The following PDE4D variants were observed in gnomAD, a reference collection of about 807,000 sequenced individuals.
The protein encoded by PDE4D is phosphodiesterase 4D, also known as 3',5'-cyclic-AMP phosphodiesterase 4D.
In PDE4D, 24 loss-of-function variants were observed where a neutral mutation model predicts 87.4. That is an observed-to-expected ratio of 0.27 (90% confidence interval 0.20 to 0.39). The LOEUF is 0.39. Among genes scored for constraint, PDE4D ranks in the 10% least tolerant of loss-of-function variants. The pLI, the probability that PDE4D is intolerant of heterozygous loss-of-function variation, is 1.00. For synonymous variants in PDE4D, 384 were observed against 383.2 expected (o/e 1.00, Z -0.02); for missense variants, 714 against 1,041.0 (o/e 0.69, Z 4.32).
intron 1 of PDE4D, among the ~76,000 whole-genome samples, chr5:60,370,140 A>T (rs959545436): frequency 1.3e-5 from 2 of 152,168 alleles, no homozygotes; most frequent in Non-Finnish European, 2.9e-5. Flanking sequence ...GCCAGAAAGC[A>T]GCTCCCCTAA....
At chr5:59,378,432 A>T (rs575368109) in intron 1 of PDE4D, among the ~76,000 whole-genome samples, 4 of 152,132 alleles carry the variant, frequency 2.6e-5, no homozygotes, top group Admixed American at 6.6e-5. Context: ...CTTAAAAGTT[A>T]AAAAAAAGAA....
chr5:59,517,474 T>C (rs1811378979), intron 1 of PDE4D, among the ~76,000 whole-genome samples: 1 of 152,182 alleles, frequency 6.6e-6, no homozygotes, highest in Non-Finnish European at 1.5e-5. Flanking sequence ...GTCACAGGTT[T>C]GCCTATTTGG....
intron 1 of PDE4D, among the ~76,000 whole-genome samples, chr5:60,413,421 C>T (rs1411595936): frequency 2.0e-5 from 3 of 152,100 alleles, no homozygotes; most frequent in Non-Finnish European, 2.9e-5. Flanking sequence ...ACACAATAGA[C>T]TTCCAGAGCC....
intron 1 of PDE4D, among the ~76,000 whole-genome samples, chr5:59,392,033 A>T (rs185085316): frequency 7.2e-4 from 108 of 150,876 alleles, no homozygotes; most frequent in Admixed American, 1.5e-3. Flanking sequence ...CAAGGGTAGA[A>T]TTTTTGTCTG....
chr5:59,421,081 C>A (rs1794413979), intron 1 of PDE4D, among the ~76,000 whole-genome samples: 1 of 152,118 alleles, frequency 6.6e-6, no homozygotes, highest in Non-Finnish European at 1.5e-5. Context: ...CTATGACAAA[C>A]TGAAGTTTAT....
intron 1 of PDE4D, among the ~76,000 whole-genome samples, chr5:60,417,825 G>A (rs1742740954): frequency 2.0e-5 from 3 of 151,704 alleles, no homozygotes; most frequent in Admixed American, 2.0e-4. Context: ...TTTAGAGAAA[G>A]ACAAACACAT....
chr5:60,198,062 AAG>A (rs1741477108), intron 1 of PDE4D, among the ~76,000 whole-genome samples: 2 of 147,860 alleles, frequency 1.4e-5, no homozygotes, highest in South Asian at 2.1e-4. Flanking sequence ...TTTGCTTTTC[AAG>A]AGTTTTACTG....
intron 1 of PDE4D, among the ~76,000 whole-genome samples, chr5:59,477,353 T>TAAAAA (rs35047246): frequency 4.5e-5 from 4 of 88,204 alleles, no homozygotes; most frequent in East Asian, 7.7e-4. Context: ...TAGAGTATAA[T>TAAAAA]AAAAAAAAAA....
rs536276090 is a variant in PDE4D, at chr5:59,287,294, G to A, written c.456-71326C>T. Among the ~76,000 whole-genome samples, 276 of 152,226 alleles carry A rather than the reference G, an allele frequency of 1.8e-3. 1 individual carries two copies. Among genetic ancestry groups the A allele is most frequent in the African/African-American group, 6.2e-3 (258 of 41,554 alleles). On this transcript the variant is annotated intron_variant, in intron 1 of 14. Coordinates refer to ENST00000340635, the MANE Select transcript of PDE4D (RefSeq NM_001104631.2). ...CCAGACAGTACTTGTCGCAGGCCTG[G>A]GGCAGTGGTGGCCACAGGGAGAGAC...
At chr5:59,120,955 T>C (rs143452580) in intron 5 of PDE4D, among the ~76,000 whole-genome samples, 6 of 152,144 alleles carry the variant, frequency 3.9e-5, no homozygotes, top group African/African-American at 1.4e-4. Flanking sequence ...ACCAAGAATA[T>C]ACATTAGGGA....
intron 1 of PDE4D, among the ~76,000 whole-genome samples, chr5:60,191,457 G>T (rs927787881): frequency 6.6e-6 from 1 of 152,096 alleles, no homozygotes; most frequent in Non-Finnish European, 1.5e-5. Context: ...AGTTCCTCCT[G>T]TGTTCATTCT....
At chr5:59,325,039 T>C (rs1429133821) in intron 1 of PDE4D, among the ~76,000 whole-genome samples, 1 of 152,164 alleles carries the variant, frequency 6.6e-6, no homozygotes, top group Non-Finnish European at 1.5e-5. Context: ...ATTTATTTTC[T>C]GGGCCAGAGA....
At chr5:59,166,032 G>A (rs373031780) in intron 5 of PDE4D, among the ~76,000 whole-genome samples, 14 of 151,956 alleles carry the variant, frequency 9.2e-5, no homozygotes, top group African/African-American at 1.2e-4. Context: ...ACCACCTGTC[G>A]CCCCACTAAT....
At chr5:59,392,637 C>A (rs541853841) in intron 1 of PDE4D, among the ~76,000 whole-genome samples, 1 of 151,974 alleles carries the variant, frequency 6.6e-6, no homozygotes, top group African/African-American at 2.4e-5. Context: ...AGCCTGCCAA[C>A]CCTGGCCTAT....
chr5:59,513,706 A>C (rs536373820), intron 1 of PDE4D, among the ~76,000 whole-genome samples: 78 of 152,350 alleles, frequency 5.1e-4, no homozygotes, highest in African/African-American at 1.5e-3. Context: ...CACATGCTAA[A>C]GAGTAAGTAA....
intron 1 of PDE4D, among the ~76,000 whole-genome samples, chr5:60,275,893 T>A (rs1562280200): frequency 1.3e-5 from 2 of 152,178 alleles, no homozygotes; most frequent in Non-Finnish European, 2.9e-5. Flanking sequence ...ATCCATGGAT[T>A]TTTAGAAGTC....
At chr5:60,444,197 C>T (rs1348995251) in intron 1 of PDE4D, among the ~76,000 whole-genome samples, 1 of 152,142 alleles carries the variant, frequency 6.6e-6, no homozygotes, top group African/African-American at 2.4e-5. Context: ...ATTATGGCTT[C>T]ACCCATTCTG....
chr5:60,512,094 G>T (rs1358644286), intron 1 of PDE4D, among the ~76,000 whole-genome samples: 2 of 151,948 alleles, frequency 1.3e-5, no homozygotes, highest in Non-Finnish European at 2.9e-5. Flanking sequence ...TAAATTATCT[G>T]GAAAACACAT....
At chr5:59,421,584 A>G (rs1354853776) in intron 1 of PDE4D, among the ~76,000 whole-genome samples, 1 of 152,168 alleles carries the variant, frequency 6.6e-6, no homozygotes, top group Non-Finnish European at 1.5e-5. Flanking sequence ...ATAACTCTGT[A>G]GTAATCAATC....
Sources: allele counts gnomAD v4.1 joint callset (sites outside exome capture counted in the v4.1 genomes callset), GRCh38; gene constraint gnomAD v4.1.1; transcripts MANE v1.5; gene names NCBI Gene and HGNC (gene_info 2026-07-23, HGNC 2026-07-21).